ANTXR1: variants seen among roughly 807,000 people sequenced by gnomAD.
ANTXR1 encodes the protein anthrax toxin receptor 1.
ANTXR1 carries 19 observed loss-of-function variants against 78.1 expected under a neutral mutation model. The observed-to-expected ratio is 0.24, with a 90% CI of 0.17 to 0.36. The LOEUF is 0.36. ANTXR1 is among the 10% of genes least tolerant of loss of function. The probability of loss-of-function intolerance (pLI) is 1.00; values close to 1 mark genes in which losing one functional copy is unlikely to be tolerated. For synonymous variants in ANTXR1, 273 were observed against 260.5 expected (o/e 1.05, Z -0.46); for missense variants, 518 against 718.6 (o/e 0.72, Z 3.19).
At chr2:69,161,949 A>T (rs1385868109) in intron 13 of ANTXR1, among the ~76,000 whole-genome samples, 1 of 152,256 alleles carries the variant, frequency 6.6e-6, no homozygotes, top group Non-Finnish European at 1.5e-5. Flanking sequence ...GCTTCAAAAA[A>T]GACCTTTGTC....
chr2:69,164,877 C>T (rs1673784663), intron 13 of ANTXR1, among the ~76,000 whole-genome samples: 2 of 152,228 alleles, frequency 1.3e-5, no homozygotes. Context: ...TAGAATGAAA[C>T]AGCTTCAAAG....
At chr2:69,111,971 G>A (rs1358869155) in intron 10 of ANTXR1, among the ~76,000 whole-genome samples, 1 of 152,158 alleles carries the variant, frequency 6.6e-6, no homozygotes, top group Non-Finnish European at 1.5e-5. Context: ...CTTTGTTATG[G>A]GTTAGAGTCT....
At chr2:69,104,821 C>T (rs984871004) in intron 10 of ANTXR1, among the ~76,000 whole-genome samples, 4 of 152,188 alleles carry the variant, frequency 2.6e-5, no homozygotes, top group South Asian at 2.1e-4. Flanking sequence ...CGGTGGCTCA[C>T]GCCTGTAATC....
chr2:69,195,729 AT>A (rs1241198544), intron 17 of ANTXR1, among the ~76,000 whole-genome samples: 1 of 152,116 alleles, frequency 6.6e-6, no homozygotes, highest in Non-Finnish European at 1.5e-5. Flanking sequence ...AAATGAAGAA[AT>A]TTTTTTAGCA....
At chr2:69,089,082 T>C (rs970056771) in intron 8 of ANTXR1, among the ~76,000 whole-genome samples, 3 of 152,174 alleles carry the variant, frequency 2.0e-5, no homozygotes, top group Admixed American at 6.5e-5. Context: ...CTGAAGGAAC[T>C]AATTACTTCC....
intron 10 of ANTXR1, among the ~76,000 whole-genome samples, chr2:69,111,915 C>T (rs938905732): frequency 2.6e-5 from 4 of 152,034 alleles, no homozygotes; most frequent in Admixed American, 1.3e-4. Context: ...GAGGGAGGAT[C>T]GAGGGCAGGA....
At chr2:69,087,784 A>C (rs530040445) in intron 8 of ANTXR1, among the ~76,000 whole-genome samples, 49 of 152,058 alleles carry the variant, frequency 3.2e-4, no homozygotes, top group African/African-American at 1.2e-3. Context: ...CCCTACCCCC[A>C]CACAGTCTCC....
At chr2:69,110,011 G>A (rs1264748332) in intron 10 of ANTXR1, among the ~76,000 whole-genome samples, 6 of 152,002 alleles carry the variant, frequency 3.9e-5, no homozygotes, top group African/African-American at 7.2e-5. Context: ...GATATGCAAA[G>A]GAAATTTTTA....
chr2:69,132,138 T>C (rs755501739), intron 12 of ANTXR1, among the ~76,000 whole-genome samples: 3 of 152,178 alleles, frequency 2.0e-5, no homozygotes, highest in Admixed American at 6.5e-5. Context: ...CCAGGGAACA[T>C]TGGCATGGCC....
intron 3 of ANTXR1, among the ~76,000 whole-genome samples, chr2:69,062,112 TGGA>T (rs1374846022): frequency 6.6e-6 from 1 of 152,128 alleles, no homozygotes; most frequent in East Asian, 1.9e-4. Context: ...TTTGGGTAAT[TGGA>T]GGAGTGGGTC....
In ANTXR1 at chr2:69,232,278, T is replaced by A. The variant is rs190570004; in HGVS notation, c.1435-12947T>A. On this transcript the variant is annotated intron_variant, in intron 17 of 17. Transcript: ENST00000303714. ...TATTTAACAGCACCCTTCAAATAAA[T>A]AATTCATATTATTTTCTTAACTTGT... 2.2e-3 allele frequency among the ~76,000 whole-genome samples: 340 copies of A among 152,170 alleles called. 1 individual carries two copies. Among genetic ancestry groups the A allele is most frequent in the Non-Finnish European group, 3.8e-3 (261 of 67,970 alleles).
intron 3 of ANTXR1, among the ~76,000 whole-genome samples, chr2:69,057,637 G>T (rs1342835051): frequency 1.3e-5 from 2 of 152,002 alleles, no homozygotes; most frequent in African/African-American, 4.8e-5. Flanking sequence ...CCCTCTACTT[G>T]GTCTTCCCTA....
At chr2:69,036,844 A>G (rs549622853) in intron 1 of ANTXR1, among the ~76,000 whole-genome samples, 1 of 152,320 alleles carries the variant, frequency 6.6e-6, no homozygotes, top group African/African-American at 2.4e-5. Context: ...ATCACCACCC[A>G]GGACCCCCAG....
intron 3 of ANTXR1, among the ~76,000 whole-genome samples, chr2:69,064,307 C>T (rs1670330617): frequency 1.3e-5 from 2 of 152,122 alleles, no homozygotes. Context: ...AAATACAATG[C>T]TTCTGGAACA....
chr2:69,088,250 G>A (rs983618029), intron 8 of ANTXR1, among the ~76,000 whole-genome samples: 21 of 152,172 alleles, frequency 1.4e-4, no homozygotes, highest in African/African-American at 5.1e-4. Context: ...ATCAGAGTTG[G>A]TTCAAAAAGG....
chr2:69,029,253 G>A (rs1181757968), intron 1 of ANTXR1, among the ~76,000 whole-genome samples: 2 of 150,634 alleles, frequency 1.3e-5, no homozygotes, highest in African/African-American at 4.9e-5. Flanking sequence ...AATGAGTAAA[G>A]AGAAAAGTAG....
intron 17 of ANTXR1, among the ~76,000 whole-genome samples, chr2:69,222,002 C>A (rs778796908): frequency 2.0e-4 from 30 of 152,118 alleles, no homozygotes; most frequent in Non-Finnish European, 3.7e-4. Context: ...TGTTCCAGCC[C>A]ATTAATTCAA....
intron 3 of ANTXR1, among the ~76,000 whole-genome samples, chr2:69,066,170 T>C (rs1670392119): frequency 6.6e-6 from 1 of 152,232 alleles, no homozygotes; most frequent in African/African-American, 2.4e-5. Context: ...AACCAAAATA[T>C]GATAGCCATT....
intron 16 of ANTXR1, among the ~76,000 whole-genome samples, chr2:69,186,291 T>C (rs1446331275): frequency 6.6e-6 from 1 of 152,250 alleles, no homozygotes; most frequent in Non-Finnish European, 1.5e-5. Context: ...AAAGTAATCA[T>C]GTGTGCTCTC....
Sources: gnomAD v4.1 joint callset for allele counts (sites outside exome capture counted in the v4.1 genomes callset) on GRCh38, gnomAD v4.1.1 for gene constraint, MANE v1.5 for transcripts, NCBI Gene and HGNC (gene_info 2026-07-23, HGNC 2026-07-21) for gene names.